The following TIAM2 variants were observed in gnomAD, a reference collection of about 807,000 sequenced individuals.
TIAM2 encodes the protein TIAM Rac1 associated GEF 2.
Under a neutral mutation model 152.9 loss-of-function variants are expected in TIAM2, and 80 were observed. The ratio of observed to expected loss-of-function variants is 0.52; its 90% CI spans 0.44 to 0.63. The LOEUF is 0.63. Among genes scored for constraint, TIAM2 ranks in the 30% least tolerant of loss-of-function variants. The pLI is 0.00. For synonymous variants in TIAM2, 804 were observed against 838.0 expected (o/e 0.96, Z 0.70); for missense variants, 1,965 against 2,120.1 (o/e 0.93, Z 1.44).
At chr6:155,185,060 A>G (rs1202443831) in intron 14 of TIAM2, among the ~76,000 whole-genome samples, 5 of 151,298 alleles carry the variant, frequency 3.3e-5, no homozygotes, top group Non-Finnish European at 7.4e-5. Context: ...CACAGAGGCT[A>G]TAATACTTTT....
chr6:155,227,082 T>A (rs978462935), intron 15 of TIAM2, among the ~76,000 whole-genome samples: 7 of 152,226 alleles, frequency 4.6e-5, no homozygotes, highest in African/African-American at 1.7e-4. Flanking sequence ...AAAGTAGATG[T>A]TTGTCTCTTA....
In TIAM2 at chr6:155,254,018, A is replaced by G. The variant is rs1360884624; in HGVS notation, c.4271A>G (p.Glu1424Gly). 6.2e-7 allele frequency: 1 copy of G among 1,614,192 alleles called. No homozygotes were observed. Among genetic ancestry groups the G allele is most frequent in the Non-Finnish European group, 8.5e-7 (1 of 1,180,024 alleles). The part of the protein sequence containing the change: ...SIWELIHTKS[E>G]IEGRPETIFQ... ...TGGGAACTGATCCATACGAAGTCAG[A>G]AATAGAAGGACGGCCAGAAACCATC... The change falls in exon 25 of 27, where the codon GAA becomes GGA. Residue 1424 changes from glutamate to glycine, a missense_variant. Physicochemically the swap from Glu to Gly is moderately conservative, Grantham distance 98 (BLOSUM62 -2). Coordinates refer to ENST00000682666, the MANE Select transcript of TIAM2 (RefSeq NM_012454.4).
At chr6:155,089,066 A>G (rs1778236749) in intron 1 of TIAM2, among the ~76,000 whole-genome samples, 1 of 152,154 alleles carries the variant, frequency 6.6e-6, no homozygotes, top group South Asian at 2.1e-4. Flanking sequence ...TCTGTTTCAC[A>G]TTTTAAACAA....
intron 13 of TIAM2, among the ~76,000 whole-genome samples, chr6:155,182,796 G>A (rs541011595): frequency 6.6e-6 from 1 of 152,264 alleles, no homozygotes; most frequent in East Asian, 1.9e-4. Flanking sequence ...ACGAATGAGT[G>A]GTTCTCAGGA....
intron 1 of TIAM2, among the ~76,000 whole-genome samples, chr6:155,073,592 T>C (rs1227131984): frequency 2.0e-5 from 3 of 152,152 alleles, no homozygotes; most frequent in Non-Finnish European, 4.4e-5. Flanking sequence ...CTTCTCATAG[T>C]GGCTTTGGGT....
chr6:155,142,896 A>G (rs906348868), intron 5 of TIAM2, among the ~76,000 whole-genome samples: 1 of 152,228 alleles, frequency 6.6e-6, no homozygotes, highest in Non-Finnish European at 1.5e-5. Context: ...ATGTGCTGTT[A>G]TCGGTTCTAT....
chr6:155,061,688 T>A (rs1777582530), intron 1 of TIAM2, among the ~76,000 whole-genome samples: 1 of 152,200 alleles, frequency 6.6e-6, no homozygotes, highest in African/African-American at 2.4e-5. Context: ...GTTCCAGAGT[T>A]ATTTAGATCA....
chr6:155,160,043 T>G (rs558884956), intron 7 of TIAM2, among the ~76,000 whole-genome samples: 25 of 152,112 alleles, frequency 1.6e-4, no homozygotes, highest in African/African-American at 6.0e-4. Flanking sequence ...TGAGAGAAAT[T>G]TATTATAAGA....
intron 14 of TIAM2, among the ~76,000 whole-genome samples, chr6:155,202,116 G>A (rs1781483960): frequency 6.6e-6 from 1 of 152,186 alleles, no homozygotes; most frequent in Admixed American, 6.5e-5. Context: ...ATAATAAATG[G>A]TGATCTCTTT....
At chr6:155,041,680 G>A (rs548885238) in intron 1 of TIAM2, among the ~76,000 whole-genome samples, 1 of 152,266 alleles carries the variant, frequency 6.6e-6, no homozygotes, top group Non-Finnish European at 1.5e-5. Flanking sequence ...TTTATTACCT[G>A]TGAATACTTG....
At chr6:155,030,030 C>T in intron 1 of TIAM2, among the ~76,000 whole-genome samples, 1 of 152,110 alleles carries the variant, frequency 6.6e-6, no homozygotes, top group Admixed American at 6.6e-5. Flanking sequence ...TGGGGTCAAG[C>T]CATCCTCCCA....
chr6:155,063,868 CAA>C (rs1279718359), intron 1 of TIAM2, among the ~76,000 whole-genome samples: 1 of 139,060 alleles, frequency 7.2e-6, no homozygotes, highest in East Asian at 2.2e-4. Flanking sequence ...AAAAAATAAA[CAA>C]TGTGCATGTG....
chr6:155,081,537 A>C (rs1455117733), intron 1 of TIAM2, among the ~76,000 whole-genome samples: 1 of 152,178 alleles, frequency 6.6e-6, no homozygotes, highest in African/African-American at 2.4e-5. Flanking sequence ...CCTGAGATAA[A>C]GCTAGGAGTC....
intron 1 of TIAM2, among the ~76,000 whole-genome samples, chr6:155,048,136 A>G (rs1054652608): frequency 1.3e-5 from 2 of 152,096 alleles, no homozygotes; most frequent in Non-Finnish European, 2.9e-5. Flanking sequence ...TTTTTTTTGT[A>G]GACACAGGGT....
At chr6:155,114,918 TC>T (rs1233021163) in intron 2 of TIAM2, among the ~76,000 whole-genome samples, 2 of 151,982 alleles carry the variant, frequency 1.3e-5, no homozygotes, top group Non-Finnish European at 2.9e-5. Flanking sequence ...ACCTCCGCCT[TC>T]CAGGTTCACG....
intron 1 of TIAM2, among the ~76,000 whole-genome samples, chr6:155,027,467 A>G (rs1445538877): frequency 5.0e-5 from 3 of 60,152 alleles, no homozygotes; most frequent in Admixed American, 4.0e-4. Context: ...CATATATACT[A>G]TATATAATAT....
chr6:155,221,105 A>G (rs1310887734), intron 15 of TIAM2, among the ~76,000 whole-genome samples: 1 of 81,764 alleles, frequency 1.2e-5, no homozygotes, highest in Admixed American at 1.8e-4. Flanking sequence ...TTTCTCTTTC[A>G]TCTTGTTTTT....
chr6:155,020,708 C>CA (rs1776461616), intron 1 of TIAM2, among the ~76,000 whole-genome samples: 1 of 152,160 alleles, frequency 6.6e-6, no homozygotes, highest in Non-Finnish European at 1.5e-5. Flanking sequence ...AGTGATCTGC[C>CA]AGCCTCGGCC....
rs1413446482 is a variant in TIAM2 at position 155,057,196 on chromosome 6, TG to T, written c.-208-33092del. On this transcript the variant is annotated intron_variant, in intron 1 of 26. Coordinates refer to ENST00000682666, the MANE Select transcript of TIAM2 (RefSeq NM_012454.4). ...GGTGCATGCCACCACACCCAGCTAA[TG>T]TTTTTTTATTATTATTTTTTAAATT... Among the ~76,000 whole-genome samples the T allele has an allele frequency of 4.6e-5, 7 of 151,498 alleles. No individual in the cohort carries two copies. In the East Asian group the frequency reaches 7.8e-4, roughly 17 times the overall value.
Sources: gnomAD v4.1 joint callset for allele counts (sites outside exome capture counted in the v4.1 genomes callset) on GRCh38, gnomAD v4.1.1 for gene constraint, MANE v1.5 for transcripts, NCBI Gene and HGNC (gene_info 2026-07-23, HGNC 2026-07-21) for gene names.